Variants in PRKG1 observed in about 807,000 individuals in gnomAD.
PRKG1 encodes the protein cGMP-dependent protein kinase 1.
Under a neutral mutation model 88.1 loss-of-function variants are expected in PRKG1, and 35 were observed. The ratio of observed to expected loss-of-function variants is 0.40; its 90% confidence interval spans 0.30 to 0.53. The LOEUF (loss-of-function observed/expected upper bound fraction) is 0.53. Among genes scored for constraint, PRKG1 ranks in the 20% least tolerant of loss-of-function variants. The pLI is 0.59. For synonymous variants in PRKG1, 303 were observed against 292.5 expected (o/e 1.04, Z -0.37); for missense variants, 540 against 839.8 (o/e 0.64, Z 4.41).
intron 7 of PRKG1, among the ~76,000 whole-genome samples, chr10:52,120,174 T>C (rs887672894): frequency 6.6e-6 from 1 of 152,134 alleles, no homozygotes; most frequent in Non-Finnish European, 1.5e-5. Flanking sequence ...ATTAATTCAT[T>C]CATGAGGGCA....
chr10:51,259,679 T>G (rs1295229827), intron 2 of PRKG1, among the ~76,000 whole-genome samples: 1 of 152,178 alleles, frequency 6.6e-6, no homozygotes, highest in Non-Finnish European at 1.5e-5. Flanking sequence ...TTTCACCATG[T>G]TGGCCAGGCT....
At chr10:52,191,145 G>A (rs990556010) in intron 9 of PRKG1, among the ~76,000 whole-genome samples, 1 of 151,918 alleles carries the variant, frequency 6.6e-6, no homozygotes, top group Admixed American at 6.6e-5. Flanking sequence ...CCTACCCTAC[G>A]ATAGTCCTAT....
chr10:51,246,527 A>G (rs2132133349), intron 2 of PRKG1, among the ~76,000 whole-genome samples: 1 of 150,350 alleles, frequency 6.7e-6, no homozygotes, highest in Admixed American at 6.6e-5. Context: ...CACTGACAGT[A>G]TGGCCAGGTA....
intron 9 of PRKG1, among the ~76,000 whole-genome samples, chr10:52,170,467 CAA>C (rs964123119): frequency 3.9e-5 from 6 of 152,078 alleles, no homozygotes; most frequent in East Asian, 3.9e-4. Context: ...AGTGCACTGA[CAA>C]GAGAGAGATG....
chr10:51,964,694 CAG>C (rs1199582813), intron 5 of PRKG1, among the ~76,000 whole-genome samples: 3 of 152,122 alleles, frequency 2.0e-5, no homozygotes, highest in African/African-American at 7.2e-5. Context: ...CATAAACACA[CAG>C]AGAAAAACTG....
At chr10:51,647,872 G>T (rs1471908337) in intron 3 of PRKG1, among the ~76,000 whole-genome samples, 4 of 152,066 alleles carry the variant, frequency 2.6e-5, no homozygotes, top group Non-Finnish European at 5.9e-5. Flanking sequence ...TTGCCATAAT[G>T]ATACATTGCA....
At chr10:51,386,422 C>T (rs1004399007) in intron 2 of PRKG1, among the ~76,000 whole-genome samples, 3 of 152,036 alleles carry the variant, frequency 2.0e-5, no homozygotes, top group African/African-American at 7.2e-5. Context: ...GTCCAAAGGC[C>T]TGAGAAGTAG....
In PRKG1 at chr10:51,244,068, A is replaced by G. The variant is rs190939768; in HGVS notation, c.478+90738A>G. Among the ~76,000 whole-genome samples, 242 of 152,278 alleles carry G rather than the reference A, an allele frequency of 1.6e-3. 4 individuals are homozygous for G. The highest frequency in any genetic ancestry group is 3.7e-4 in the Non-Finnish European group (25 of 68,016). On this transcript the variant is annotated intron_variant, in intron 2 of 17. Coordinates refer to ENST00000373980, the MANE Select transcript of PRKG1 (RefSeq NM_006258.4). ...AAGCAATAGAATCTTTCTTGGCCCA[A>G]TGTTCAAATAACCTTTTTCTTATTT...
At chr10:51,357,916 AT>A (rs961417750) in intron 2 of PRKG1, among the ~76,000 whole-genome samples, 5 of 151,964 alleles carry the variant, frequency 3.3e-5, no homozygotes, top group Admixed American at 3.3e-4. Context: ...CTAAGTTTTC[AT>A]TACTGTTCAA....
intron 5 of PRKG1, among the ~76,000 whole-genome samples, chr10:52,026,400 T>C (rs1014091015): frequency 6.6e-6 from 1 of 152,188 alleles, no homozygotes; most frequent in African/African-American, 2.4e-5. Context: ...TGATTTGAGC[T>C]ACAGTGTGAA....
chr10:52,125,641 G>A (rs1240706360), intron 7 of PRKG1: 2 of 152,120 alleles, frequency 1.3e-5, no homozygotes, highest in Non-Finnish European at 2.9e-5. Flanking sequence ...TCTTAACTAA[G>A]CACTTAACAT....
In PRKG1 at chr10:52,128,370, G is replaced by T. The variant is rs551860933; in HGVS notation, c.936-5470G>T. 5.1e-6 allele frequency: 5 copies of T among 985,346 alleles called. No individual in the cohort carries two copies. The African/African-American group carries it at 7.0e-5, about 14-fold the overall frequency. 61.0% of individuals were successfully genotyped at this position (985,346 alleles called of 1,614,324 possible). On this transcript the variant is annotated intron_variant, in intron 7 of 17. Transcript: ENST00000373980. The stretch of plus-strand genomic sequence containing the variant: ...TACATTCTGTGTTTGTTCCCCTGAG[G>T]TATCAATGAACGCTAGAGTTCTCTC...
intron 9 of PRKG1, among the ~76,000 whole-genome samples, chr10:52,204,183 C>T (rs1380580450): frequency 6.6e-6 from 1 of 151,996 alleles, no homozygotes; most frequent in Admixed American, 6.6e-5. Context: ...TTACTGCAGC[C>T]TCCACCTCCC....
chr10:52,185,609 A>C (rs1381409129), intron 9 of PRKG1, among the ~76,000 whole-genome samples: 1 of 152,206 alleles, frequency 6.6e-6, no homozygotes, highest in Middle Eastern at 3.4e-3. Flanking sequence ...TCAACCTGAT[A>C]TTTACCCTCT....
In PRKG1 at chr10:52,257,332, GA is replaced by G. The variant is rs201726540; in HGVS notation, c.1173+5675del. Among the ~76,000 whole-genome samples, 12 of 134,644 alleles carry G rather than the reference GA, an allele frequency of 8.9e-5. 1 individual carries two copies. In the South Asian group the frequency reaches 2.9e-3, roughly 32 times the overall value. The allele number at this position is 134,644 out of a possible 152,430, so 88.3% of individuals were successfully genotyped here. On this transcript the variant is annotated intron_variant, in intron 10 of 17. Coordinates refer to ENST00000373980, the MANE Select transcript of PRKG1 (RefSeq NM_006258.4). Reference sequence around the variant, plus strand: ...GCTTGGAGTGCTATGTAAACCAATTGAAAAAAAAATAGAAACTAAGAGGTGA... The same window carrying G: ...GCTTGGAGTGCTATGTAAACCAATTGAAAAAAAATAGAAACTAAGAGGTGA...
intron 4 of PRKG1, among the ~76,000 whole-genome samples, chr10:51,819,832 A>C (rs541132293): frequency 6.6e-6 from 1 of 152,174 alleles, no homozygotes; most frequent in African/African-American, 2.4e-5. Flanking sequence ...GAATCACACT[A>C]GAGTAACATT....
At chr10:51,214,668 G>A (rs111904449) in intron 2 of PRKG1, among the ~76,000 whole-genome samples, 3,064 of 151,884 alleles carry the variant, frequency 0.02, 48 homozygotes, top group Middle Eastern at 0.051. Context: ...TGTAGAGACG[G>A]TGTCTCATTA....
intron 5 of PRKG1, among the ~76,000 whole-genome samples, chr10:52,001,304 A>G (rs1350266051): frequency 1.3e-5 from 2 of 151,906 alleles, no homozygotes; most frequent in Admixed American, 6.6e-5. Flanking sequence ...CATGGTGACT[A>G]TAGTTAATAA....
At chr10:52,149,258 G>C (rs149935330) in intron 8 of PRKG1, among the ~76,000 whole-genome samples, 1 of 151,192 alleles carries the variant, frequency 6.6e-6, no homozygotes, top group Non-Finnish European at 1.5e-5. Context: ...GCTTTTGAAA[G>C]GTTCATAAAA....
Sources: gnomAD v4.1 joint callset for allele counts (sites outside exome capture counted in the v4.1 genomes callset) on GRCh38, gnomAD v4.1.1 for gene constraint, MANE v1.5 for transcripts, NCBI Gene and HGNC (gene_info 2026-07-23, HGNC 2026-07-21) for gene names.